The following VAV3 variants were observed in gnomAD, a reference collection of about 807,000 sequenced individuals.
The protein encoded by VAV3 is guanine nucleotide exchange factor VAV3.
A neutral mutation model predicts 131.2 loss-of-function variants in VAV3; 94 were observed. The ratio of observed to expected loss-of-function variants is 0.72; its 90% confidence interval spans 0.61 to 0.85. The LOEUF (loss-of-function observed/expected upper bound fraction) is 0.85. Among genes scored for constraint, VAV3 ranks in the 40% least tolerant of loss-of-function variants. The pLI is 0.00. For missense variants in VAV3, 939 were observed against 1,002.7 expected (o/e 0.94, Z 0.86); for synonymous variants, 349 against 342.0 (o/e 1.02, Z -0.22).
At chr1:107,901,011 C>T (rs1325882062) in intron 1 of VAV3, among the ~76,000 whole-genome samples, 1 of 152,078 alleles carries the variant, frequency 6.6e-6, no homozygotes, top group Non-Finnish European at 1.5e-5. Context: ...CACATAAAAT[C>T]AAACAATTGG....
At chr1:107,597,225 A>T (rs1651466945) in intron 24 of VAV3, among the ~76,000 whole-genome samples, 4 of 108,320 alleles carry the variant, frequency 3.7e-5, no homozygotes, top group Admixed American at 1.8e-4. Context: ...AAAATAAAAA[A>T]TAAAAAAAAA....
At chr1:107,660,851 C>G (rs1245355272) in intron 19 of VAV3, among the ~76,000 whole-genome samples, 1 of 152,056 alleles carries the variant, frequency 6.6e-6, no homozygotes, top group Non-Finnish European at 1.5e-5. Context: ...ATGTGTTTTA[C>G]ATTAGAAAAA....
chr1:107,784,911 G>C (rs1665898427), intron 2 of VAV3, among the ~76,000 whole-genome samples: 1 of 152,200 alleles, frequency 6.6e-6, no homozygotes, highest in Admixed American at 6.5e-5. Context: ...ATATGAGACA[G>C]TGTTGTCTAT....
chr1:107,600,398 T>C (rs1041578795), intron 24 of VAV3, among the ~76,000 whole-genome samples: 1 of 152,220 alleles, frequency 6.6e-6, no homozygotes, highest in Non-Finnish European at 1.5e-5. Flanking sequence ...TTAGTTTCAT[T>C]TTGCTTTGCT....
chr1:107,923,176 A>G (rs1002417069), intron 1 of VAV3, among the ~76,000 whole-genome samples: 3 of 152,062 alleles, frequency 2.0e-5, no homozygotes, highest in African/African-American at 7.2e-5. Context: ...TGCCTTTTCT[A>G]AAACTGTATA....
chr1:107,959,154 G>A (rs1674963762), intron 1 of VAV3, among the ~76,000 whole-genome samples: 1 of 152,060 alleles, frequency 6.6e-6, no homozygotes, highest in Admixed American at 6.6e-5. Context: ...CTAGCTACCT[G>A]GGAGGCTAAG....
intron 2 of VAV3, among the ~76,000 whole-genome samples, chr1:107,804,193 ATCC>A (rs1242600103): frequency 2.0e-5 from 3 of 152,038 alleles, no homozygotes; most frequent in African/African-American, 7.2e-5. Context: ...TTATGTATTC[ATCC>A]AGCCTATGTC....
intron 19 of VAV3, among the ~76,000 whole-genome samples, chr1:107,679,296 G>A (rs541249410): frequency 3.3e-5 from 5 of 152,226 alleles, no homozygotes; most frequent in African/African-American, 1.2e-4. Flanking sequence ...CTAACAATGA[G>A]CATCTGAGAA....
intron 21 of VAV3, among the ~76,000 whole-genome samples, chr1:107,613,881 G>A (rs547244165): frequency 4.1e-4 from 62 of 152,170 alleles, no homozygotes; most frequent in African/African-American, 1.4e-3. Context: ...ATTTGAGACG[G>A]AGTCTCGCTC....
intron 15 of VAV3, among the ~76,000 whole-genome samples, chr1:107,729,870 T>A (rs182789596): frequency 6.6e-6 from 1 of 152,340 alleles, no homozygotes; most frequent in African/African-American, 2.4e-5. Flanking sequence ...TCAAAAATTT[T>A]ATTTTAGAGA....
At chr1:107,962,131 A>T (rs1675115822) in intron 1 of VAV3, among the ~76,000 whole-genome samples, 1 of 152,218 alleles carries the variant, frequency 6.6e-6, no homozygotes, top group Non-Finnish European at 1.5e-5. Flanking sequence ...TATAAAAAAT[A>T]GTCTATTTCA....
At chr1:107,749,729 C>A (rs1005627075) in intron 13 of VAV3, 135 bp from the exon 14 acceptor site, 2 of 976,766 alleles carry the variant, frequency 2.0e-6, no homozygotes, top group Non-Finnish European at 2.9e-6. Flanking sequence ...CTGAAAACAA[C>A]GGGGTATTTG....
chr1:107,635,222 A>T (rs984906772), intron 20 of VAV3, among the ~76,000 whole-genome samples: 4 of 152,172 alleles, frequency 2.6e-5, no homozygotes, highest in African/African-American at 9.7e-5. Context: ...AACCAACCCA[A>T]ATGTCCAACA....
chr1:107,916,224 G>A (rs1426156375), intron 1 of VAV3, among the ~76,000 whole-genome samples: 2 of 152,094 alleles, frequency 1.3e-5, no homozygotes, highest in Non-Finnish European at 2.9e-5. Flanking sequence ...AAACTTCCTG[G>A]TAAGTTCAAG....
intron 25 of VAV3, among the ~76,000 whole-genome samples, chr1:107,585,976 C>T (rs1650454217): frequency 6.6e-6 from 1 of 152,244 alleles, no homozygotes; most frequent in Non-Finnish European, 1.5e-5. Context: ...TGGTGTCAGC[C>T]TGCTCTACCA....
chr1:107,914,329 T>C (rs1672513281), intron 1 of VAV3, among the ~76,000 whole-genome samples: 1 of 152,170 alleles, frequency 6.6e-6, no homozygotes, highest in African/African-American at 2.4e-5. Flanking sequence ...CAATAAACAT[T>C]ACTGGGCCCT....
chr1:107,954,826 T>C (rs1674730953), intron 1 of VAV3, among the ~76,000 whole-genome samples: 1 of 151,402 alleles, frequency 6.6e-6, no homozygotes, highest in Non-Finnish European at 1.5e-5. Flanking sequence ...GCCGATAGCC[T>C]CGCTGACAAG....
At chr1:107,588,262 A>T (rs920351244) in intron 25 of VAV3, among the ~76,000 whole-genome samples, 2 of 152,232 alleles carry the variant, frequency 1.3e-5, no homozygotes, top group Admixed American at 1.3e-4. Flanking sequence ...GGACATCATA[A>T]ATGAAGAGAG....
intron 19 of VAV3, among the ~76,000 whole-genome samples, chr1:107,681,503 GC>G (rs1470416804): frequency 1.3e-5 from 2 of 152,046 alleles, no homozygotes; most frequent in Non-Finnish European, 2.9e-5. Flanking sequence ...CATAAGTCAA[GC>G]CTAAATCAAA....
Sources: allele counts gnomAD v4.1 joint callset (sites outside exome capture counted in the v4.1 genomes callset), GRCh38; gene constraint gnomAD v4.1.1; transcripts MANE v1.5; gene names NCBI Gene and HGNC (gene_info 2026-07-23, HGNC 2026-07-21).